DACH2: variants seen among roughly 807,000 people sequenced by gnomAD.
DACH2 encodes the protein dachshund family transcription factor 2, also known as dachshund homolog 2.
DACH2 carries 17 observed loss-of-function variants against 35.8 expected under a neutral mutation model. That is an observed-to-expected ratio of 0.48 (90% confidence interval 0.33 to 0.71). The LOEUF (loss-of-function observed/expected upper bound fraction) is 0.71, where lower values mean the gene tolerates loss of function less well. DACH2 is among the 30% of genes least tolerant of loss of function. The probability of loss-of-function intolerance (pLI) is 0.02; values close to 1 mark genes in which losing one functional copy is unlikely to be tolerated. For synonymous variants in DACH2, 195 were observed against 177.3 expected, an observed-to-expected ratio of 1.10 and a Z score of -0.79; for missense variants, 469 against 472.7, an observed-to-expected ratio of 0.99 and a Z score of 0.07.
intron 3 of DACH2, among the ~76,000 whole-genome samples, chrX:86,520,114 C>T (rs1290437225): frequency 9.0e-6 from 1 of 111,569 alleles, no homozygotes; most frequent in Non-Finnish European, 1.9e-5. Context: ...TCTTTGTTCT[C>T]TTTATTTTCA....
At chrX:86,438,117 A>C (rs1416409673) in intron 2 of DACH2, among the ~76,000 whole-genome samples, 1 of 109,013 alleles carries the variant, frequency 9.2e-6, no homozygotes, top group East Asian at 2.9e-4. Context: ...CCCACTTACA[A>C]GTGAGAACAT....
chrX:86,532,981 C>T (rs934938751), intron 3 of DACH2, among the ~76,000 whole-genome samples: 2 of 111,620 alleles, frequency 1.8e-5, no homozygotes, highest in African/African-American at 6.5e-5. Context: ...AATTTGCTTA[C>T]CTTTTAGTTT....
chrX:86,722,954 G>A (rs777266941), intron 6 of DACH2, among the ~76,000 whole-genome samples: 3 of 111,246 alleles, frequency 2.7e-5, no homozygotes, highest in East Asian at 2.9e-4. Flanking sequence ...CCTGATCATG[G>A]GCTTTATTTT....
chrX:86,778,179 G>A (rs2042054741), intron 7 of DACH2, among the ~76,000 whole-genome samples: 1 of 111,281 alleles, frequency 9.0e-6, no homozygotes, highest in Admixed American at 9.6e-5. Flanking sequence ...TGGATCATAT[G>A]GTAGTTTTAT....
At chrX:86,514,468 C>A in intron 3 of DACH2, 77 bp downstream of exon 3, 10 of 913,992 alleles carry the variant, frequency 1.1e-5, no homozygotes, top group Non-Finnish European at 1.4e-5. Flanking sequence ...ATTGATCTAA[C>A]TGCCTTGTCC....
intron 3 of DACH2, among the ~76,000 whole-genome samples, chrX:86,604,276 T>G: frequency 9.0e-6 from 1 of 111,465 alleles, no homozygotes; most frequent in Middle Eastern, 4.7e-3. Flanking sequence ...ATATACTTAG[T>G]AAACCTCTTT....
intron 1 of DACH2, among the ~76,000 whole-genome samples, chrX:86,287,892 C>T (rs1432673600): frequency 8.9e-6 from 1 of 111,896 alleles, no homozygotes; most frequent in African/African-American, 3.3e-5. Context: ...GTACCTGGTG[C>T]CTTATTTAGT....
chrX:86,372,531 G>A (rs1164327006), intron 1 of DACH2, among the ~76,000 whole-genome samples: 1 of 110,429 alleles, frequency 9.1e-6, no homozygotes. Context: ...GGGAACTGTG[G>A]GGAACAGTAG....
chrX:86,687,550 C>T (rs754468354), intron 4 of DACH2, among the ~76,000 whole-genome samples: 1 of 111,411 alleles, frequency 9.0e-6, no homozygotes, highest in Admixed American at 9.6e-5. Context: ...GGGCATATAC[C>T]CAAAGGATTA....
At chrX:86,775,337 G>A (rs1467644332) in intron 7 of DACH2, among the ~76,000 whole-genome samples, 3 of 111,376 alleles carry the variant, frequency 2.7e-5, no homozygotes, top group Non-Finnish European at 5.7e-5. Context: ...TACACAACAG[G>A]AGGGGAGCTA....
chrX:86,402,566 GA>G (rs1444500455), intron 2 of DACH2, among the ~76,000 whole-genome samples: 1 of 111,677 alleles, frequency 9.0e-6, no homozygotes, highest in Admixed American at 9.5e-5. Flanking sequence ...CATACTCATG[GA>G]ATGGAAGTAT....
chrX:86,530,933 G>A (rs1275798575), intron 3 of DACH2, among the ~76,000 whole-genome samples: 2 of 111,799 alleles, frequency 1.8e-5, no homozygotes, highest in Non-Finnish European at 3.8e-5. Context: ...CTTGGGAACT[G>A]GAGTAAAGGT....
chrX:86,368,561 C>CT lies in DACH2; in HGVS notation c.489-8261dup, dbSNP rs1229198656. Among the ~76,000 whole-genome samples, 5 of 69,223 alleles carry CT rather than the reference C, an allele frequency of 7.2e-5. No individual in the cohort carries two copies. The Admixed American group carries it at 8.9e-4, about 12-fold the overall frequency. 60.1% of individuals were successfully genotyped at this position (69,223 alleles called of 115,157 possible). On this transcript the variant is annotated intron_variant, in intron 1 of 11. Transcript: ENST00000373125. ...AGTCAATATTTTTACTTTCTTTCTT[C>CT]TTCTTTTTTTTTTTTTTTTGAGACA...
chrX:86,295,159 C>T (rs1396916559), intron 1 of DACH2, among the ~76,000 whole-genome samples: 10 of 112,493 alleles, frequency 8.9e-5, no homozygotes, highest in Non-Finnish European at 1.7e-4. Flanking sequence ...GCACAGTATT[C>T]GGGTGGGAGT....
intron 1 of DACH2, among the ~76,000 whole-genome samples, chrX:86,312,758 C>T (rs1479542817): frequency 4.5e-5 from 5 of 111,809 alleles, no homozygotes; most frequent in Admixed American, 2.9e-4. Context: ...CTTGGACTGG[C>T]TCTCCTTGCT....
intron 2 of DACH2, among the ~76,000 whole-genome samples, chrX:86,437,523 G>A (rs2037087532): frequency 9.0e-6 from 1 of 111,340 alleles, no homozygotes; most frequent in African/African-American, 3.3e-5. Flanking sequence ...CCCACACTAT[G>A]AGGAAAAATA....
At chrX:86,820,522 C>G (rs994681432) in intron 11 of DACH2, among the ~76,000 whole-genome samples, 2 of 109,406 alleles carry the variant, frequency 1.8e-5, no homozygotes, top group Admixed American at 9.9e-5. Flanking sequence ...AGAGTACAGA[C>G]TGGCCATTCA....
rs185779595 is a variant in DACH2, at chrX:86,585,370, T to C, written c.641-65666T>C. Among the ~76,000 whole-genome samples the C allele has an allele frequency of 3.8e-3, 423 of 111,113 alleles. 2 individuals carry two copies. The highest frequency in any genetic ancestry group is 4.5e-3 in the Non-Finnish European group (239 of 52,797). On this transcript the variant is annotated intron_variant, in intron 3 of 11. Coordinates refer to ENST00000373125, the MANE Select transcript of DACH2 (RefSeq NM_053281.3). ...TGATGGATGTGAAATGGTATCTCAA[T>C]GTGGTTTAATTAATTAATTAATTAT...
At chrX:86,272,735 C>T (rs2033837614) in intron 1 of DACH2, among the ~76,000 whole-genome samples, 1 of 111,645 alleles carries the variant, frequency 9.0e-6, no homozygotes, top group Non-Finnish European at 1.9e-5. Context: ...GAAAACAAGT[C>T]CCTATAAAGG....
Sources: gnomAD v4.1 joint callset for allele counts (sites outside exome capture counted in the v4.1 genomes callset) on GRCh38, gnomAD v4.1.1 for gene constraint, MANE v1.5 for transcripts, NCBI Gene and HGNC (gene_info 2026-07-23, HGNC 2026-07-21) for gene names.